Variants in RGS7 observed in about 807,000 individuals in gnomAD.
RGS7 encodes regulator of G-protein signaling 7.
In RGS7, 27 loss-of-function variants were observed where a neutral mutation model predicts 81.1. The ratio of observed to expected loss-of-function variants is 0.33; its 90% CI spans 0.25 to 0.46. The LOEUF is 0.46. RGS7 is among the 20% of genes least tolerant of loss of function. The pLI is 1.00. For missense variants in RGS7, 396 were observed against 607.4 expected, an observed-to-expected ratio of 0.65 and a Z score of 3.66; for synonymous variants, 208 against 207.7, an observed-to-expected ratio of 1.00 and a Z score of -0.01.
At chr1:241,006,510 A>G (rs952439499) in intron 3 of RGS7, among the ~76,000 whole-genome samples, 1 of 152,230 alleles carries the variant, frequency 6.6e-6, no homozygotes, top group Non-Finnish European at 1.5e-5. Flanking sequence ...ATAATCCTAC[A>G]AACAGTTACA....
intron 2 of RGS7, among the ~76,000 whole-genome samples, chr1:241,127,955 G>A (rs2066788132): frequency 6.6e-6 from 1 of 152,122 alleles, no homozygotes; most frequent in Non-Finnish European, 1.5e-5. Flanking sequence ...GATTTGAAGA[G>A]GAAATATAGA....
At chr1:241,190,680 T>C (rs1192123803) in intron 2 of RGS7, among the ~76,000 whole-genome samples, 2 of 152,232 alleles carry the variant, frequency 1.3e-5, no homozygotes, top group Non-Finnish European at 2.9e-5. Context: ...TCTTATGAAT[T>C]TGCTGAACTT....
At chr1:240,798,599 A>G (rs1687467753) in intron 18 of RGS7, among the ~76,000 whole-genome samples, 1 of 152,160 alleles carries the variant, frequency 6.6e-6, no homozygotes, top group South Asian at 2.1e-4. Context: ...TTCCCTAACT[A>G]TGTGACTCTG....
chr1:240,923,315 T>G (rs1673892248), intron 6 of RGS7, among the ~76,000 whole-genome samples: 1 of 152,110 alleles, frequency 6.6e-6, no homozygotes, highest in South Asian at 2.1e-4. Context: ...TAATATAAAC[T>G]ATGGACTTTT....
intron 6 of RGS7, among the ~76,000 whole-genome samples, chr1:240,916,109 C>CAAAAAAAAAAAAAAAAAAA (rs60839025): frequency 1.4e-5 from 1 of 70,944 alleles, no homozygotes. Flanking sequence ...CTAAAAATAC[C>CAAAAAAAAAAAAAAAAAAA]AAAAAAAAAA....
At chr1:241,321,819 T>G (rs2081230669) in intron 2 of RGS7, among the ~76,000 whole-genome samples, 2 of 152,328 alleles carry the variant, frequency 1.3e-5, no homozygotes, top group East Asian at 1.9e-4. Flanking sequence ...TGGCACTGAT[T>G]GACAGTGTAT....
intron 18 of RGS7, among the ~76,000 whole-genome samples, chr1:240,780,021 A>G (rs1304988426): frequency 6.6e-6 from 1 of 152,218 alleles, no homozygotes; most frequent in Non-Finnish European, 1.5e-5. Flanking sequence ...AATGATGTTG[A>G]AATAAAAAAG....
intron 9 of RGS7, among the ~76,000 whole-genome samples, chr1:240,852,547 A>G (rs1321278507): frequency 6.6e-6 from 1 of 152,176 alleles, no homozygotes; most frequent in East Asian, 1.9e-4. Context: ...TAATTTATAT[A>G]AAGTACCAGG....
intron 2 of RGS7, among the ~76,000 whole-genome samples, chr1:241,100,593 T>C (rs1009641708): frequency 6.6e-6 from 1 of 152,188 alleles, no homozygotes; most frequent in Non-Finnish European, 1.5e-5. Context: ...TTATTATCTA[T>C]GTTCTTTGAG....
intron 2 of RGS7, among the ~76,000 whole-genome samples, chr1:241,198,214 G>C (rs2073227754): frequency 6.6e-6 from 1 of 151,834 alleles, no homozygotes; most frequent in South Asian, 2.1e-4. Flanking sequence ...GTCATGCTTA[G>C]AAAGAAATTT....
At chr1:241,254,130 G>A (rs1266555700) in intron 2 of RGS7, among the ~76,000 whole-genome samples, 2 of 151,314 alleles carry the variant, frequency 1.3e-5, no homozygotes, top group Non-Finnish European at 2.9e-5. Context: ...AACCCGGGAG[G>A]TGGGGCTTGC....
intron 2 of RGS7, among the ~76,000 whole-genome samples, chr1:241,269,470 C>T (rs1052575054): frequency 6.6e-6 from 1 of 152,198 alleles, no homozygotes; most frequent in East Asian, 1.9e-4. Context: ...ATAGATTCTT[C>T]CAGGTGGTAA....
Position 241,020,129 on chromosome 1 carries a change from T to C in RGS7, c.176-37000A>G, listed in dbSNP as rs374106208. ...TCTGAAAAAATGGGTATAAGATGCCTTACCTAATGAAGTTGCTACAGGGGA... is the reference window on the plus strand; with the variant it reads ...TCTGAAAAAATGGGTATAAGATGCCCTACCTAATGAAGTTGCTACAGGGGA... On this transcript the variant is annotated intron_variant, in intron 3 of 18. Transcript: ENST00000440928. Among the ~76,000 whole-genome samples the C allele has an allele frequency of 1.4e-4, 22 of 152,322 alleles. No homozygotes were observed. The East Asian group carries it at 3.5e-3, about 24-fold the overall frequency.
At chr1:240,950,859 A>G (rs1368490875) in intron 4 of RGS7, among the ~76,000 whole-genome samples, 4 of 152,182 alleles carry the variant, frequency 2.6e-5, no homozygotes, top group African/African-American at 9.6e-5. Flanking sequence ...ACCATAAATT[A>G]GCACACTAAA....
intron 2 of RGS7, among the ~76,000 whole-genome samples, chr1:241,210,400 G>A (rs551565354): frequency 3.3e-5 from 5 of 152,182 alleles, no homozygotes; most frequent in South Asian, 2.1e-4. Flanking sequence ...CACCCACCTC[G>A]GCCTCCCAAA....
chr1:241,256,885 G>A (rs969923932), intron 2 of RGS7, among the ~76,000 whole-genome samples: 22 of 150,882 alleles, frequency 1.5e-4, no homozygotes, highest in Admixed American at 2.0e-4. Context: ...AACTTCTCCC[G>A]TAGGCCAAGA....
chr1:241,183,638 T>C (rs2071830060), intron 2 of RGS7, among the ~76,000 whole-genome samples: 1 of 152,224 alleles, frequency 6.6e-6, no homozygotes, highest in African/African-American at 2.4e-5. Flanking sequence ...ACAAAACTTA[T>C]ACTATAGAGA....
At chr1:241,252,060 T>C (rs909198742) in intron 2 of RGS7, among the ~76,000 whole-genome samples, 2 of 151,314 alleles carry the variant, frequency 1.3e-5, no homozygotes, top group African/African-American at 4.9e-5. Flanking sequence ...TTTTTTTTTT[T>C]TGAGACAGAG....
At chr1:241,024,750 C>A (rs1298362331) in intron 3 of RGS7, among the ~76,000 whole-genome samples, 1 of 152,112 alleles carries the variant, frequency 6.6e-6, no homozygotes, top group Non-Finnish European at 1.5e-5. Context: ...CAAAAAGACA[C>A]TGCAGATCAT....
Sources: gnomAD v4.1 joint callset for allele counts (sites outside exome capture counted in the v4.1 genomes callset) on GRCh38, gnomAD v4.1.1 for gene constraint, MANE v1.5 for transcripts, NCBI Gene and HGNC (gene_info 2026-07-23, HGNC 2026-07-21) for gene names.